ZCCHC7: variants seen among roughly 807,000 people sequenced by gnomAD.
ZCCHC7 encodes the protein zinc finger CCHC-type containing 7.
ZCCHC7 carries 35 observed loss-of-function variants against 52.0 expected under a neutral mutation model. The observed-to-expected ratio is 0.67, with a 90% confidence interval of 0.51 to 0.89. The LOEUF (loss-of-function observed/expected upper bound fraction) is 0.89, where lower values mean the gene tolerates loss of function less well. Ranked by LOEUF, ZCCHC7 falls within the 40% of genes least tolerant of loss-of-function variation. The pLI is 0.00. For synonymous variants in ZCCHC7, 217 were observed against 221.5 expected (o/e 0.98, Z 0.18); for missense variants, 574 against 649.1 (o/e 0.88, Z 1.26).
chr9:37,136,989 A>G (rs539761058), intron 2 of ZCCHC7, among the ~76,000 whole-genome samples: 3 of 152,134 alleles, frequency 2.0e-5, no homozygotes, highest in Admixed American at 1.3e-4. Context: ...TAATTTGGTG[A>G]CATTTTATGA....
chr9:37,347,201 C>A (rs1440997680), intron 6 of ZCCHC7, among the ~76,000 whole-genome samples: 1 of 150,798 alleles, frequency 6.6e-6, no homozygotes, highest in African/African-American at 2.5e-5. Context: ...TCCTTTCCTC[C>A]TCTGGTTTCA....
intron 2 of ZCCHC7, among the ~76,000 whole-genome samples, chr9:37,133,134 T>G (rs1476300309): frequency 6.6e-6 from 1 of 152,096 alleles, no homozygotes; most frequent in Non-Finnish European, 1.5e-5. Context: ...AGAGACTCTG[T>G]CTCAGAAAAA....
chr9:37,276,200 G>T lies in ZCCHC7; in HGVS notation c.611-25988G>T, dbSNP rs189276068. Among the ~76,000 whole-genome samples, 27 of 152,246 alleles carry T rather than the reference G, an allele frequency of 1.8e-4. 1 individual carries two copies. The East Asian group carries it at 5.2e-3, about 29-fold the overall frequency. On this transcript the variant is annotated intron_variant, in intron 2 of 8. Transcript: ENST00000336755. ...CTTTTGTGAATGACCTATTTAAGTC[G>T]TGCTGGAGTTTCTACTTCTTTGGCT... is the stretch of plus-strand genomic sequence containing the variant.
intron 2 of ZCCHC7, among the ~76,000 whole-genome samples, chr9:37,196,364 T>G (rs942128743): frequency 6.6e-6 from 1 of 152,160 alleles, no homozygotes; most frequent in African/African-American, 2.4e-5. Context: ...CTAACAATAA[T>G]TTTGTCTAGT....
chr9:37,122,854 T>C (rs979110997), intron 1 of ZCCHC7, among the ~76,000 whole-genome samples: 1 of 152,232 alleles, frequency 6.6e-6, no homozygotes, highest in Non-Finnish European at 1.5e-5. Context: ...GGAGAATTTC[T>C]TGAACCCAGG....
intron 2 of ZCCHC7, 47 bp downstream of exon 2, chr9:37,126,989 G>A (rs1277432688): frequency 6.3e-7 from 1 of 1,586,670 alleles, no homozygotes; most frequent in East Asian, 2.2e-5. Flanking sequence ...TCTTTCATAA[G>A]GAGGACTGCT....
In ZCCHC7 at chr9:37,354,925, A is replaced by C; in HGVS notation, c.1198+101A>C. The C allele has an allele frequency of 1.4e-6, 1 of 711,022 alleles. No homozygotes were observed. Among genetic ancestry groups the C allele is most frequent in the East Asian group, 2.8e-5 (1 of 36,234 alleles). 44.0% of individuals were successfully genotyped at this position (711,022 alleles called of 1,614,324 possible). Reference sequence around the variant, plus strand: ...CTTTGGGGGTCATTGGTTAGCATAGAAAGTATTTTTAGTAATTACCAAAGA... The same window carrying C: ...CTTTGGGGGTCATTGGTTAGCATAGCAAGTATTTTTAGTAATTACCAAAGA... On this transcript the variant is annotated intron_variant, in intron 8 of 8. Transcript: ENST00000336755. The surrounding 1 kb of genome is among the most constrained non-coding windows in gnomAD (Gnocchi z 4.0).
At chr9:37,182,922 G>C (rs960271286) in intron 2 of ZCCHC7, among the ~76,000 whole-genome samples, 9 of 152,290 alleles carry the variant, frequency 5.9e-5, no homozygotes, top group Admixed American at 1.3e-4. Context: ...GGAGCTCAAG[G>C]CTGTAGTGTG....
chr9:37,235,449 T>C (rs1333589666), intron 2 of ZCCHC7, among the ~76,000 whole-genome samples: 1 of 151,724 alleles, frequency 6.6e-6, no homozygotes, highest in Non-Finnish European at 1.5e-5. Flanking sequence ...CTTTCTTTTC[T>C]TTCCTTTCTT....
intron 1 of ZCCHC7, among the ~76,000 whole-genome samples, chr9:37,123,707 A>T (rs1483785670): frequency 6.6e-6 from 1 of 152,136 alleles, no homozygotes; most frequent in Non-Finnish European, 1.5e-5. Context: ...GATCCTCAGG[A>T]TGGATCCAGT....
At chr9:37,150,857 T>C (rs1425886670) in intron 2 of ZCCHC7, among the ~76,000 whole-genome samples, 1 of 152,130 alleles carries the variant, frequency 6.6e-6, no homozygotes. Flanking sequence ...TGAGAAGATA[T>C]TTTTCCAGGT....
At position 37,261,207 on chromosome 9, in the gene ZCCHC7, AT is replaced by A. The variant is rs577725912; in HGVS notation, c.611-40974del. Among the ~76,000 whole-genome samples, 55 of 152,134 alleles carry A rather than the reference AT, an allele frequency of 3.6e-4. No individual in the cohort carries two copies. In the South Asian group the frequency reaches 0.011, roughly 32 times the overall value. On this transcript the variant is annotated intron_variant, in intron 2 of 8. Transcript: ENST00000336755. ...AAAATGTCTCATAGCCTCATTTGTC[AT>A]TTTTTTCTTCTTTAAGACGTCAACA...
At chr9:37,141,150 G>A (rs149380469) in intron 2 of ZCCHC7, among the ~76,000 whole-genome samples, 3 of 151,900 alleles carry the variant, frequency 2.0e-5, no homozygotes, top group Non-Finnish European at 3.0e-5. Flanking sequence ...TATTGTGGCC[G>A]TTTGCTCTAA....
At chr9:37,203,731 A>G (rs1298631987) in intron 2 of ZCCHC7, among the ~76,000 whole-genome samples, 1 of 152,132 alleles carries the variant, frequency 6.6e-6, no homozygotes, top group African/African-American at 2.4e-5. Flanking sequence ...GGTTGGTTCC[A>G]TGTCTTTTGT....
chr9:37,279,549 A>G (rs1827849450), intron 2 of ZCCHC7, among the ~76,000 whole-genome samples: 1 of 152,112 alleles, frequency 6.6e-6, no homozygotes, highest in African/African-American at 2.4e-5. Context: ...TGAAAGATCT[A>G]AATGTGGACA....
chr9:37,298,096 T>A (rs1828867202), intron 2 of ZCCHC7, among the ~76,000 whole-genome samples: 1 of 152,220 alleles, frequency 6.6e-6, no homozygotes, highest in South Asian at 2.1e-4. Context: ...AGTGTAAGCA[T>A]AATGGACAGG....
Position 37,331,145 on chromosome 9 carries a change from T to C in ZCCHC7, c.987+3311T>C, listed in dbSNP as rs1830434734. ...AGCAAATGTAACTGTTTTAGAAGAA[T>C]TAAGCCTTAATTGTTTTTTTATATA... On this transcript the variant is annotated intron_variant, in intron 6 of 8. Coordinates refer to ENST00000336755, the MANE Select transcript of ZCCHC7 (RefSeq NM_032226.3). Among the ~76,000 whole-genome samples the C allele has an allele frequency of 2.0e-5, 3 of 151,668 alleles. No homozygotes were observed. In the South Asian group the frequency reaches 6.2e-4, roughly 31 times the overall value.
At chr9:37,191,698 T>G (rs1823028938) in intron 2 of ZCCHC7, among the ~76,000 whole-genome samples, 1 of 152,232 alleles carries the variant, frequency 6.6e-6, no homozygotes, top group South Asian at 2.1e-4. Context: ...TCAGGCTGTT[T>G]AACCCTCTGT....
intron 2 of ZCCHC7, among the ~76,000 whole-genome samples, chr9:37,155,735 A>G (rs1353656246): frequency 6.6e-6 from 1 of 152,214 alleles, no homozygotes; most frequent in Non-Finnish European, 1.5e-5. Flanking sequence ...TATTCATCTT[A>G]CCTAAAATAC....
Sources: gnomAD v4.1 joint callset for allele counts (sites outside exome capture counted in the v4.1 genomes callset) on GRCh38, gnomAD v4.1.1 for gene constraint, Gnocchi (gnomAD v3.1) non-coding constraint, MANE v1.5 for transcripts, NCBI Gene and HGNC (gene_info 2026-07-23, HGNC 2026-07-21) for gene names.